ZNF341: variants seen among roughly 807,000 people sequenced by gnomAD.
ZNF341 encodes the protein zinc finger protein 341.
In ZNF341, 52 loss-of-function variants were observed where a neutral mutation model predicts 87.7. That is an observed-to-expected ratio of 0.59 (90% CI 0.47 to 0.75). The LOEUF (loss-of-function observed/expected upper bound fraction) is 0.75, where lower values mean the gene tolerates loss of function less well. Ranked by LOEUF, ZNF341 falls within the 30% of genes least tolerant of loss-of-function variation. The pLI is 0.00. For synonymous variants in ZNF341, 459 were observed against 472.7 expected, an observed-to-expected ratio of 0.97 and a Z score of 0.38; for missense variants, 977 against 1,145.9, an observed-to-expected ratio of 0.85 and a Z score of 2.13.
chr20:33,756,480 C>T (rs1463663942), intron 5 of ZNF341, among the ~76,000 whole-genome samples: 2 of 151,862 alleles, frequency 1.3e-5, no homozygotes, highest in African/African-American at 4.8e-5. Flanking sequence ...GATTCTCCTG[C>T]CTTAGCCTCC....
intron 10 of ZNF341, 142 bp from the exon 11 acceptor site, chr20:33,781,148 AG>A: frequency 1.4e-6 from 1 of 700,318 alleles, no homozygotes; most frequent in Non-Finnish European, 2.6e-6. Context: ...GAGGACAGGC[AG>A]TGGCAATTGA....
chr20:33,764,543 G>GTGTATATATATATATATATATATATATA (rs1332743148), intron 8 of ZNF341, among the ~76,000 whole-genome samples: 5 of 69,336 alleles, frequency 7.2e-5, no homozygotes, highest in Admixed American at 2.1e-4. Flanking sequence ...GTGTGTATGT[G>GTGTATATATATATATATATATATATATA]TATATATATA....
intron 11 of ZNF341, among the ~76,000 whole-genome samples, chr20:33,781,774 C>T (rs766263340): frequency 2.6e-5 from 4 of 151,828 alleles, no homozygotes; most frequent in African/African-American, 4.8e-5. Flanking sequence ...CATGGCTCAC[C>T]GCAGCCTCAA....
intron 8 of ZNF341, among the ~76,000 whole-genome samples, chr20:33,765,109 T>A (rs2019378736): frequency 6.6e-6 from 1 of 152,086 alleles, no homozygotes; most frequent in South Asian, 2.1e-4. Flanking sequence ...ATTATAGGTG[T>A]GAGCCATCAT....
chr20:33,747,763 T>C (rs898682969), intron 3 of ZNF341, among the ~76,000 whole-genome samples: 7 of 150,262 alleles, frequency 4.7e-5, no homozygotes, highest in Non-Finnish European at 1.0e-4. Flanking sequence ...CAGGCTGGCC[T>C]TGGCTCACTG....
At position 33,753,147 on chromosome 20, in the gene ZNF341, A is replaced by G. The variant is rs201063023; in HGVS notation, c.490-25A>G. The G allele has an allele frequency of 5.0e-5, 80 of 1,611,778 alleles. No individual in the cohort carries two copies. The Admixed American group carries it at 9.8e-4, about 20-fold the overall frequency. On this transcript the variant is annotated intron_variant, in intron 4 of 14. Coordinates refer to ENST00000375200, the MANE Select transcript of ZNF341 (RefSeq NM_001282933.2). ...AAGACAACTGGTATCAAGAGGCTAT[A>G]ACACTTTTTCTTTTCTGATTTCAGA...
chr20:33,791,556 T>C lies in ZNF341; in HGVS notation c.*39T>C, dbSNP rs1279861558. ...TCTGTTTCCTGGGCAGGCCTGATGC[T>C]CCTGTTTGGGTCCAGGGCCCCTGGG... On this transcript the variant is annotated 3_prime_UTR_variant, in exon 15 of 15. Coordinates refer to ENST00000375200, the MANE Select transcript of ZNF341 (RefSeq NM_001282933.2). 4.0e-6 allele frequency: 6 copies of C among 1,502,974 alleles called. No homozygotes were observed. The East Asian group carries it at 6.9e-5, about 17-fold the overall frequency. The allele number at this position is 1,502,974 out of a possible 1,614,324, so 93.1% of individuals were successfully genotyped here.
Position 33,791,234 on chromosome 20 carries a change from G to A in ZNF341, c.2282G>A (p.Arg761His), listed in dbSNP as rs146184232. 88 of 1,611,698 alleles carry A rather than the reference G, an allele frequency of 5.5e-5. 1 individual carries two copies. The African/African-American group carries it at 8.4e-4, about 15-fold the overall frequency. Residue 761 changes from arginine to histidine, a missense_variant, in exon 15 of 15, where the codon CGC (arginine) becomes CAC (histidine). This residue lies in a region of ZNF341 where 221 missense variants were observed against 212.7 expected (regional missense o/e 1.04). Transcript: ENST00000375200. The stretch of plus-strand genomic sequence containing the variant: ...CCCCGCAGTTGCGGCAGTGGTGGGC[G>A]CAAGGTGCTGACCCCCTTGCCTGAC... ...AAPRSCGSGG[R>H]KVLTPLPDPL...
intron 1 of ZNF341, among the ~76,000 whole-genome samples, chr20:33,735,242 G>A (rs958442974): frequency 6.6e-6 from 1 of 152,170 alleles, no homozygotes; most frequent in Non-Finnish European, 1.5e-5. Flanking sequence ...TGTTGGCCAG[G>A]CTAGTCTCGA....
At chr20:33,745,352 C>A in intron 3 of ZNF341, 53 bp downstream of exon 3, 1 of 1,544,622 alleles carries the variant, frequency 6.5e-7, no homozygotes, top group South Asian at 1.2e-5. Flanking sequence ...CTAACATGCT[C>A]AGGCACTGTG....
Position 33,783,830 on chromosome 20 carries a change from G to C in ZNF341, c.1818G>C (p.Glu606Asp). The C allele has an allele frequency of 6.2e-7, 1 of 1,613,614 alleles. No individual in the cohort carries two copies. The highest frequency in any genetic ancestry group is 8.5e-7 in the Non-Finnish European group (1 of 1,179,790). ...TGTGCAAGAAGTTCTTCCGGCGGGA[G>C]CATTATCTCAAACTGCATGCTCACA... ...CQVCKKFFRR[E>D]HYLKLHAHIH... The change falls in exon 12 of 15, where the codon GAG becomes GAC. Residue 606 changes from glutamate to aspartate, a missense_variant. Coordinates refer to ENST00000375200, the MANE Select transcript of ZNF341 (RefSeq NM_001282933.2).
intron 3 of ZNF341, among the ~76,000 whole-genome samples, chr20:33,746,487 C>T (rs190403053): frequency 3.9e-5 from 6 of 152,160 alleles, no homozygotes; most frequent in East Asian, 1.9e-4. Context: ...CCGCCTCGGC[C>T]GCCCAAAGTG....
At position 33,791,193 on chromosome 20, in the gene ZNF341, C is replaced by A. The variant is rs771183385; in HGVS notation, c.2241C>A (p.Pro747=). ...AGGACCTGCAAACCCGGCGGCCCCC[C>A]CAGAGGAGGGCAGCCCCCCGCAGTT... ...KDKDLQTRRP[P]QRRAAPRSCG... The change falls in exon 15 of 15, where the codon CCC becomes CCA. Residue 747 remains proline, a synonymous_variant. Coordinates refer to ENST00000375200, the MANE Select transcript of ZNF341 (RefSeq NM_001282933.2). The A allele has an allele frequency of 1.9e-6, 3 of 1,612,952 alleles. No individual in the cohort carries two copies. In the Admixed American group the frequency reaches 5.0e-5, roughly 27 times the overall value.
intron 3 of ZNF341, among the ~76,000 whole-genome samples, chr20:33,747,625 AAAAAAAAAAAAAAAAAAC>A (rs2018957527): frequency 6.7e-6 from 1 of 148,354 alleles, no homozygotes; most frequent in Non-Finnish European, 1.5e-5. Context: ...AAAAAAAAAA[AAAAAAAAAAAAAAAAAAC>A]ACAGTCATTT....
intron 9 of ZNF341, among the ~76,000 whole-genome samples, chr20:33,768,562 A>G (rs2019459091): frequency 6.6e-6 from 1 of 151,690 alleles, no homozygotes; most frequent in Non-Finnish European, 1.5e-5. Flanking sequence ...AGCTGGGATT[A>G]CGTGCATGCA....
intron 1 of ZNF341, among the ~76,000 whole-genome samples, chr20:33,737,213 A>G (rs2018708300): frequency 6.6e-6 from 1 of 152,244 alleles, no homozygotes; most frequent in African/African-American, 2.4e-5. Flanking sequence ...AGAAAAAGTT[A>G]CATTCACACA....
chr20:33,775,627 A>G (rs991270389), intron 10 of ZNF341, among the ~76,000 whole-genome samples: 1 of 151,580 alleles, frequency 6.6e-6, no homozygotes, highest in African/African-American at 2.4e-5. Flanking sequence ...ACTGTGACCC[A>G]CTTCCCCATA....
chr20:33,769,775 G>A (rs2019484892), intron 9 of ZNF341, among the ~76,000 whole-genome samples: 1 of 152,212 alleles, frequency 6.6e-6, no homozygotes, highest in African/African-American at 2.4e-5. Flanking sequence ...GCTGGGCATG[G>A]TGGTGTGCAC....
chr20:33,770,115 A>G lies in ZNF341; in HGVS notation c.1445A>G (p.Gln482Arg), dbSNP rs2019495832. ...AAGTGTGTGGTCAAAAGCTGTGCCC[A>G]GACGTTCCCAAAGCTCGACACATTT... ...VYKCVVKSCA[Q>R]TFPKLDTFLE... Residue 482 changes from glutamine to arginine, a missense_variant, in exon 10 of 15, where the codon CAG (glutamine) becomes CGG (arginine). Transcript: ENST00000375200. 3 of 1,613,940 alleles carry G rather than the reference A, an allele frequency of 1.9e-6. No individual in the cohort carries two copies. The highest frequency in any genetic ancestry group is 1.7e-6 in the Non-Finnish European group (2 of 1,179,904).
Sources: gnomAD v4.1 joint callset for allele counts (sites outside exome capture counted in the v4.1 genomes callset) on GRCh38, gnomAD v4.1.1 for gene constraint, gnomAD v4.1.1 regional missense constraint, MANE v1.5 for transcripts, NCBI Gene and HGNC (gene_info 2026-07-23, HGNC 2026-07-21) for gene names.